The following ZFHX3 variants were observed in gnomAD, a reference collection of about 807,000 sequenced individuals.
ZFHX3 encodes zinc finger homeobox protein 3.
In ZFHX3, 42 loss-of-function variants were observed where a neutral mutation model predicts 279.1. The ratio of observed to expected loss-of-function variants is 0.15; its 90% CI spans 0.12 to 0.19. ZFHX3 has a LOEUF of 0.19. ZFHX3 is among the 10% of genes least tolerant of loss of function. The pLI is 1.00. For synonymous variants in ZFHX3, 2,293 were observed against 1,957.8 expected, an observed-to-expected ratio of 1.17 and a Z score of -4.52; for missense variants, 4,981 against 4,754.0, an observed-to-expected ratio of 1.05 and a Z score of -1.40.
At chr16:73,331,680 T>G (rs1471671924) in intron 3 of ZFHX3, among the ~76,000 whole-genome samples, 1 of 152,226 alleles carries the variant, frequency 6.6e-6, no homozygotes, top group East Asian at 1.9e-4. Flanking sequence ...GCTGTTGATA[T>G]AGTATACTAA....
Position 72,796,785 on chromosome 16 carries a change from T to G in ZFHX3, c.5897A>C (p.Lys1966Thr). The change falls in exon 9 of 10, where the codon AAG becomes ACG. Residue 1966 changes from lysine to threonine, a missense_variant. Transcript: ENST00000268489. ...LVIQYNENKQ[K>T]VQKKNGKTDQ... ...AGTCTTCCCATTCTTTTTCTGCACC[T>G]TCTGCTTGTTCTCATTATACTGGAT... is the stretch of plus-strand genomic sequence containing the variant. The G allele has an allele frequency of 6.2e-7, 1 of 1,613,550 alleles. No homozygotes were observed. The highest frequency in any genetic ancestry group is 8.5e-7 in the Non-Finnish European group (1 of 1,179,932).
At chr16:72,855,870 T>TC (rs1043292849) in intron 4 of ZFHX3, among the ~76,000 whole-genome samples, 2 of 152,020 alleles carry the variant, frequency 1.3e-5, no homozygotes, top group African/African-American at 4.8e-5. Context: ...GTGGAACATC[T>TC]CCCCCAATGG....
intron 1 of ZFHX3, among the ~76,000 whole-genome samples, chr16:72,980,312 G>A (rs1962534221): frequency 6.6e-6 from 1 of 152,154 alleles, no homozygotes; most frequent in South Asian, 2.1e-4. Flanking sequence ...GAGGAGAACT[G>A]TTCTAGATTA....
At chr16:73,596,969 A>G (rs963701383) in intron 2 of ZFHX3, among the ~76,000 whole-genome samples, 2 of 152,204 alleles carry the variant, frequency 1.3e-5, no homozygotes, top group African/African-American at 4.8e-5. Flanking sequence ...GTAAATGCCA[A>G]ACAAAAGTTC....
At chr16:73,272,673 A>T (rs2014179743) in intron 4 of ZFHX3, among the ~76,000 whole-genome samples, 2 of 152,230 alleles carry the variant, frequency 1.3e-5, no homozygotes, top group Admixed American at 1.3e-4. Context: ...TAGAATAACC[A>T]ATCAATATTT....
chr16:73,266,459 G>T (rs1230775207), intron 4 of ZFHX3, among the ~76,000 whole-genome samples: 1 of 152,152 alleles, frequency 6.6e-6, no homozygotes, highest in Non-Finnish European at 1.5e-5. Flanking sequence ...GCTAGGAGGT[G>T]CCAGGCATGA....
At chr16:73,262,892 G>A (rs1263884576) in intron 4 of ZFHX3, among the ~76,000 whole-genome samples, 14 of 152,084 alleles carry the variant, frequency 9.2e-5, no homozygotes, top group Admixed American at 9.2e-4. Flanking sequence ...AATCCCCGAG[G>A]AAGCCCTCCC....
chr16:73,769,798 G>T (rs1156575962), intron 1 of ZFHX3, among the ~76,000 whole-genome samples: 1 of 152,134 alleles, frequency 6.6e-6, no homozygotes, highest in Admixed American at 6.5e-5. Flanking sequence ...GAATCCTAGG[G>T]TTATTACCCA....
chr16:73,070,374 CACTCAT>C (rs1965807002), intron 8 of ZFHX3, among the ~76,000 whole-genome samples: 1 of 150,530 alleles, frequency 6.6e-6, no homozygotes, highest in East Asian at 1.9e-4. Context: ...TGGCCCAAGA[CACTCAT>C]AGCATCTGAG....
intron 2 of ZFHX3, among the ~76,000 whole-genome samples, chr16:73,642,782 C>A (rs1354077786): frequency 6.6e-6 from 1 of 152,146 alleles, no homozygotes; most frequent in Non-Finnish European, 1.5e-5. Context: ...AAATAACAGG[C>A]TGACATCTGC....
chr16:73,177,973 G>C (rs149319553), intron 5 of ZFHX3, among the ~76,000 whole-genome samples: 105 of 152,276 alleles, frequency 6.9e-4, no homozygotes, highest in Middle Eastern at 3.4e-3. Flanking sequence ...AGACCCATCA[G>C]TCGGGGCGGG....
At chr16:73,578,352 G>C (rs961027510) in intron 2 of ZFHX3, among the ~76,000 whole-genome samples, 2 of 151,166 alleles carry the variant, frequency 1.3e-5, no homozygotes, top group Non-Finnish European at 2.9e-5. Flanking sequence ...TATGGTCTAG[G>C]GCTTTTGCTC....
chr16:73,289,776 C>G (rs554769038), intron 4 of ZFHX3, among the ~76,000 whole-genome samples: 1 of 152,168 alleles, frequency 6.6e-6, no homozygotes, highest in Non-Finnish European at 1.5e-5. Flanking sequence ...GCAGGAGACC[C>G]TACCAGGTGC....
At chr16:73,054,965 A>C (rs186995124) in intron 1 of ZFHX3, among the ~76,000 whole-genome samples, 8 of 152,270 alleles carry the variant, frequency 5.3e-5, no homozygotes, top group Admixed American at 3.9e-4. Flanking sequence ...TAAACCCAAA[A>C]GATTTTAATA....
At chr16:73,805,357 T>C (rs528106335) in intron 1 of ZFHX3, among the ~76,000 whole-genome samples, 44 of 152,160 alleles carry the variant, frequency 2.9e-4, no homozygotes, top group African/African-American at 1.0e-3. Flanking sequence ...TTAGTAGAGA[T>C]GGGGTTTCAC....
At chr16:73,342,021 C>T (rs2016041315) in intron 3 of ZFHX3, among the ~76,000 whole-genome samples, 1 of 152,148 alleles carries the variant, frequency 6.6e-6, no homozygotes, top group African/African-American at 2.4e-5. Flanking sequence ...TGTGAATATA[C>T]TATAATTCAC....
chr16:73,492,657 A>G (rs909552768), intron 2 of ZFHX3, among the ~76,000 whole-genome samples: 1 of 152,238 alleles, frequency 6.6e-6, no homozygotes, highest in Admixed American at 6.5e-5. Flanking sequence ...AAGGTTAAAT[A>G]TCACATATAA....
chr16:73,071,974 G>A, intron 8 of ZFHX3, among the ~76,000 whole-genome samples: 1 of 152,212 alleles, frequency 6.6e-6, no homozygotes, highest in East Asian at 1.9e-4. Flanking sequence ...TGAGTGGGAT[G>A]ATACCCCTTT....
intron 2 of ZFHX3, among the ~76,000 whole-genome samples, chr16:73,491,753 G>T (rs191550179): frequency 4.1e-4 from 63 of 152,200 alleles, no homozygotes; most frequent in Non-Finnish European, 6.5e-4. Flanking sequence ...AGACATTTTT[G>T]ATTATCACAG....
Sources: gnomAD v4.1 joint callset for allele counts (sites outside exome capture counted in the v4.1 genomes callset) on GRCh38, gnomAD v4.1.1 for gene constraint, MANE v1.5 for transcripts, NCBI Gene and HGNC (gene_info 2026-07-23, HGNC 2026-07-21) for gene names.